The following NAALADL2 variants were observed in gnomAD, a reference collection of about 807,000 sequenced individuals.
NAALADL2 encodes the protein inactive N-acetylated-alpha-linked acidic dipeptidase-like protein 2.
In NAALADL2, 76 loss-of-function variants were observed where a neutral mutation model predicts 87.2. The ratio of observed to expected loss-of-function variants is 0.87; its 90% CI spans 0.72 to 1.05. The LOEUF is 1.05. Among genes scored for constraint, NAALADL2 ranks in the 50% least tolerant of loss-of-function variants. NAALADL2 has a pLI of 0.00. For synonymous variants in NAALADL2, 354 were observed against 331.0 expected (o/e 1.07, Z -0.75); for missense variants, 1,089 against 945.8 (o/e 1.15, Z -1.99).
At chr3:175,744,361 A>G (rs1745641464) in intron 12 of NAALADL2, among the ~76,000 whole-genome samples, 1 of 152,170 alleles carries the variant, frequency 6.6e-6, no homozygotes, top group African/African-American at 2.4e-5. Flanking sequence ...TCTACCCAAG[A>G]TGAAGAACTT....
intron 5 of NAALADL2, among the ~76,000 whole-genome samples, chr3:175,330,426 G>A (rs1761260278): frequency 6.9e-6 from 1 of 144,828 alleles, no homozygotes; most frequent in Non-Finnish European, 1.5e-5. Context: ...CTTGGTTACA[G>A]AGCTAGACTC....
intron 2 of NAALADL2, among the ~76,000 whole-genome samples, chr3:174,733,307 T>A (rs541177450): frequency 6.6e-6 from 1 of 152,334 alleles, no homozygotes; most frequent in East Asian, 1.9e-4. Flanking sequence ...AATTTCAATG[T>A]AAGATACTAG....
intron 1 of NAALADL2, among the ~76,000 whole-genome samples, chr3:174,908,704 G>T (rs1560350635): frequency 6.6e-6 from 1 of 152,062 alleles, no homozygotes; most frequent in Non-Finnish European, 1.5e-5. Flanking sequence ...AAACAGGCAA[G>T]ATTTGAACCT....
chr3:175,543,086 T>C (rs973716771), intron 9 of NAALADL2, among the ~76,000 whole-genome samples: 8 of 152,188 alleles, frequency 5.3e-5, no homozygotes, highest in African/African-American at 1.9e-4. Context: ...TTCTATGACA[T>C]ATTTAATTTC....
At chr3:174,875,539 TTAAAA>T (rs1728401839) in intron 1 of NAALADL2, among the ~76,000 whole-genome samples, 1 of 152,144 alleles carries the variant, frequency 6.6e-6, no homozygotes, top group Non-Finnish European at 1.5e-5. Flanking sequence ...CTCAACAGCA[TTAAAA>T]TGATTTCTAA....
intron 10 of NAALADL2, among the ~76,000 whole-genome samples, chr3:175,592,118 G>A (rs901607858): frequency 9.9e-5 from 15 of 151,906 alleles, no homozygotes; most frequent in Non-Finnish European, 1.6e-4. Context: ...TCCGTTGATT[G>A]GCTACCCATA....
At position 175,761,374 on chromosome 3, in the gene NAALADL2, T is replaced by C. The variant is rs114176410; in HGVS notation, c.2189+5956T>C. ...TGCAGTGCATTTTCTCCGTGTTCAT[T>C]TCTTTTTATCATTGACTAGTATTCA... On this transcript the variant is annotated intron_variant, in intron 13 of 13. Transcript: ENST00000454872. Among the ~76,000 whole-genome samples, 392 of 152,332 alleles carry C rather than the reference T, an allele frequency of 2.6e-3. 2 individuals carry two copies. Among genetic ancestry groups the C allele is most frequent in the African/African-American group, 9.2e-3 (383 of 41,576 alleles).
intron 13 of NAALADL2, among the ~76,000 whole-genome samples, chr3:175,772,444 G>C (rs1331273805): frequency 6.6e-6 from 1 of 152,084 alleles, no homozygotes; most frequent in East Asian, 1.9e-4. Context: ...TCTACAATTT[G>C]TTCCTGTTTT....
intron 2 of NAALADL2, among the ~76,000 whole-genome samples, chr3:175,140,616 C>T (rs1007811044): frequency 6.6e-6 from 1 of 151,974 alleles, no homozygotes; most frequent in African/African-American, 2.4e-5. Context: ...GGGGGAGGTG[C>T]AAGAGCAAAT....
chr3:175,094,964 C>T (rs1307301807), intron 1 of NAALADL2, among the ~76,000 whole-genome samples: 3 of 151,996 alleles, frequency 2.0e-5, no homozygotes, highest in Non-Finnish European at 4.4e-5. Context: ...TGAATGCATC[C>T]TGATGACAAC....
intron 3 of NAALADL2, among the ~76,000 whole-genome samples, chr3:174,785,292 A>C (rs1716508304): frequency 6.6e-6 from 1 of 152,166 alleles, no homozygotes; most frequent in South Asian, 2.1e-4. Context: ...CATTAAAAGT[A>C]ATGGCAAAAT....
At chr3:175,270,553 A>G (rs891642713) in intron 4 of NAALADL2, among the ~76,000 whole-genome samples, 1 of 152,226 alleles carries the variant, frequency 6.6e-6, no homozygotes, top group African/African-American at 2.4e-5. Flanking sequence ...GGGCAATTGT[A>G]TATCGGAGCT....
chr3:174,709,442 A>G (rs1173165176), intron 2 of NAALADL2, among the ~76,000 whole-genome samples: 2 of 152,112 alleles, frequency 1.3e-5, no homozygotes, highest in African/African-American at 2.4e-5. Context: ...TGTAGTGACA[A>G]ATTTCTTTAA....
intron 1 of NAALADL2, among the ~76,000 whole-genome samples, chr3:174,871,948 C>T (rs532577691): frequency 6.6e-6 from 1 of 151,982 alleles, no homozygotes; most frequent in African/African-American, 2.4e-5. Flanking sequence ...AAAATGATAA[C>T]ATTATCCAGT....
At chr3:174,735,324 A>G (rs1423673009) in intron 2 of NAALADL2, among the ~76,000 whole-genome samples, 2 of 152,194 alleles carry the variant, frequency 1.3e-5, no homozygotes, top group Non-Finnish European at 2.9e-5. Flanking sequence ...ATTACATACC[A>G]TGTCTCTAAT....
At chr3:174,720,772 G>A (rs73048115) in intron 2 of NAALADL2, among the ~76,000 whole-genome samples, 6,779 of 152,244 alleles carry the variant, frequency 0.045, 262 homozygotes, top group African/African-American at 0.1. Context: ...ATCACTAGGA[G>A]TACATTTTAC....
chr3:174,482,270 A>G (rs1344486617), intron 1 of NAALADL2, among the ~76,000 whole-genome samples: 1 of 151,992 alleles, frequency 6.6e-6, no homozygotes, highest in East Asian at 1.9e-4. Flanking sequence ...AGCTTAGGTT[A>G]TGTGCCACAC....
chr3:174,812,048 G>A (rs895231317), intron 3 of NAALADL2, among the ~76,000 whole-genome samples: 4 of 152,010 alleles, frequency 2.6e-5, no homozygotes, highest in African/African-American at 9.7e-5. Context: ...GCTCTCTGAG[G>A]CCTCCCCAGA....
chr3:175,095,617 T>C (rs573373421), intron 1 of NAALADL2, among the ~76,000 whole-genome samples: 11 of 152,226 alleles, frequency 7.2e-5, no homozygotes, highest in South Asian at 2.1e-4. Flanking sequence ...ATTGGAGACA[T>C]GTATGGCCAT....
Sources: allele counts gnomAD v4.1 joint callset (sites outside exome capture counted in the v4.1 genomes callset), GRCh38; gene constraint gnomAD v4.1.1; transcripts MANE v1.5; gene names NCBI Gene and HGNC (gene_info 2026-07-23, HGNC 2026-07-21).